AFF2: variants seen among roughly 807,000 people sequenced by gnomAD.
The protein encoded by AFF2 is AF4/FMR2 family member 2.
A neutral mutation model predicts 76.9 loss-of-function variants in AFF2; 14 were observed. The observed-to-expected ratio is 0.18, with a 90% CI of 0.12 to 0.28. The LOEUF (loss-of-function observed/expected upper bound fraction) is 0.28. Ranked by LOEUF, AFF2 falls within the 10% of genes least tolerant of loss-of-function variation. The probability of loss-of-function intolerance (pLI) is 1.00; values close to 1 mark genes in which losing one functional copy is unlikely to be tolerated. For missense variants in AFF2, 868 were observed against 1,001.1 expected (o/e 0.87, Z 1.79); for synonymous variants, 398 against 366.7 (o/e 1.09, Z -0.98).
In AFF2 at chrX:148,503,231, A is replaced by G. The variant is rs190527483; in HGVS notation, c.47+2087A>G. 2.1e-3 allele frequency among the ~76,000 whole-genome samples: 238 copies of G among 112,163 alleles called. 1 individual carries two copies. The highest frequency in any genetic ancestry group is 7.6e-3 in the African/African-American group (235 of 30,844). The stretch of plus-strand genomic sequence containing the variant: ...ATGTGGTTGTGCTTTTGTGTTTTGT[A>G]TAGCTCCACAGAGAAAAGGAACATA... On this transcript the variant is annotated intron_variant, in intron 1 of 20. Coordinates refer to ENST00000370460, the MANE Select transcript of AFF2 (RefSeq NM_002025.4).
intron 19 of AFF2, among the ~76,000 whole-genome samples, chrX:148,986,708 T>C (rs951822583): frequency 6.2e-5 from 7 of 113,189 alleles, no homozygotes; most frequent in Non-Finnish European, 1.3e-4. Context: ...TGGAGCAAAC[T>C]GACATTGTGG....
At position 148,997,004 on chromosome X, in the gene AFF2, T is replaced by C. The variant is rs782043514; in HGVS notation, c.*5672T>C. 1.8e-5 allele frequency: 2 copies of C among 112,169 alleles called. No homozygotes were observed. The highest frequency in any genetic ancestry group is 3.8e-5 in the Non-Finnish European group (2 of 53,206). The allele number at this position is 112,169 out of a possible 1,213,427, so 9.2% of individuals were successfully genotyped here. On this transcript the variant is annotated 3_prime_UTR_variant, in exon 21 of 21. Coordinates refer to ENST00000370460, the MANE Select transcript of AFF2 (RefSeq NM_002025.4). ...TACTGTGTTTTTCTTTTATGTGACG[T>C]GGAAACTCAGTAATTCTCCCACCTT...
chrX:148,789,563 G>A (rs1557269795), intron 3 of AFF2, among the ~76,000 whole-genome samples: 1 of 111,086 alleles, frequency 9.0e-6, no homozygotes, highest in Non-Finnish European at 1.9e-5. Flanking sequence ...CACACAACTA[G>A]GTAAATTAAA....
intron 8 of AFF2, 60 bp downstream of exon 8, chrX:148,886,045 G>A (rs1295619623): frequency 1.3e-6 from 1 of 786,998 alleles, no homozygotes; most frequent in African/African-American, 2.1e-5. Flanking sequence ...AACTGGAATG[G>A]CTTTGACATG....
chrX:148,840,620 A>G (rs782730849), intron 5 of AFF2, among the ~76,000 whole-genome samples: 16 of 112,916 alleles, frequency 1.4e-4, no homozygotes, highest in Non-Finnish European at 2.6e-4. Context: ...TGCAAAAATT[A>G]CATATATGAC....
At chrX:148,649,930 G>C (rs2054186799) in intron 1 of AFF2, among the ~76,000 whole-genome samples, 2 of 111,616 alleles carry the variant, frequency 1.8e-5, no homozygotes, top group Admixed American at 1.9e-4. Context: ...CAGATAGCTA[G>C]AAAACTGACA....
chrX:148,658,169 C>T (rs797033410), intron 2 of AFF2, among the ~76,000 whole-genome samples: 1 of 111,744 alleles, frequency 8.9e-6, no homozygotes, highest in Non-Finnish European at 1.9e-5. Flanking sequence ...GTCCTCTGTG[C>T]GTAACCCTGC....
chrX:148,716,371 T>C, intron 3 of AFF2, among the ~76,000 whole-genome samples: 1 of 111,802 alleles, frequency 8.9e-6, no homozygotes, highest in Non-Finnish European at 1.9e-5. Flanking sequence ...AGAGAGAACG[T>C]TGGACCCTAC....
At chrX:148,944,930 T>C (rs1030866696) in intron 9 of AFF2, among the ~76,000 whole-genome samples, 23 of 111,975 alleles carry the variant, frequency 2.1e-4, no homozygotes, top group African/African-American at 6.5e-4. Context: ...CATCTCCGTA[T>C]TCTCAGCTGT....
At chrX:148,941,817 T>C (rs1175933908) in intron 9 of AFF2, among the ~76,000 whole-genome samples, 1 of 111,234 alleles carries the variant, frequency 9.0e-6, no homozygotes, top group Non-Finnish European at 1.9e-5. Flanking sequence ...TGTTTTTGTG[T>C]TCCATAGGCT....
At chrX:148,830,349 G>T (rs1415575467) in intron 4 of AFF2, among the ~76,000 whole-genome samples, 1 of 112,333 alleles carries the variant, frequency 8.9e-6, no homozygotes. Context: ...ACACCACACT[G>T]GGAGCAGCAG....
Position 148,991,391 on chromosome X carries a change from A to G in AFF2, c.*59A>G. 9.1e-7 allele frequency: 1 copy of G among 1,102,477 alleles called. No individual in the cohort carries two copies. Among genetic ancestry groups the G allele is most frequent in the Non-Finnish European group, 1.2e-6 (1 of 827,607 alleles). The allele number at this position is 1,102,477 out of a possible 1,213,427, so 90.9% of individuals were successfully genotyped here. A position where few individuals can be genotyped will look rare whatever the true frequency, so the allele number is the denominator to read the frequency against. On this transcript the variant is annotated 3_prime_UTR_variant, in exon 21 of 21. Coordinates refer to ENST00000370460, the MANE Select transcript of AFF2 (RefSeq NM_002025.4). The stretch of plus-strand genomic sequence containing the variant: ...TCACTCTACCTCTACCAGCGCACTG[A>G]TGGTCACTGGTGGAACTCCACTCAC...
chrX:148,878,332 C>A (rs1557278113), intron 7 of AFF2, among the ~76,000 whole-genome samples: 1 of 111,750 alleles, frequency 8.9e-6, no homozygotes, highest in African/African-American at 3.3e-5. Context: ...TCAGTTGACT[C>A]CAATTCTGAA....
chrX:148,614,631 TTCTC>T (rs1193082722), intron 1 of AFF2, among the ~76,000 whole-genome samples: 25 of 106,610 alleles, frequency 2.3e-4, no homozygotes, highest in African/African-American at 5.5e-4. Context: ...CTTTCTTTCT[TTCTC>T]TCTCTCTCTT....
chrX:148,759,716 C>G (rs2069417720), intron 3 of AFF2, among the ~76,000 whole-genome samples: 1 of 111,644 alleles, frequency 9.0e-6, no homozygotes, highest in African/African-American at 3.3e-5. Flanking sequence ...TTATGTTATC[C>G]TAGGAATAGT....
intron 3 of AFF2, among the ~76,000 whole-genome samples, chrX:148,708,041 T>G (rs1444930079): frequency 1.8e-5 from 2 of 112,080 alleles, no homozygotes; most frequent in Admixed American, 1.9e-4. Context: ...CCCCTAAATC[T>G]TTTAAATCCT....
chrX:148,616,627 G>A (rs2053805028), intron 1 of AFF2, among the ~76,000 whole-genome samples: 2 of 109,977 alleles, frequency 1.8e-5, no homozygotes, highest in South Asian at 7.8e-4. Context: ...ACAACGTGAA[G>A]GTTTGTTACA....
intron 4 of AFF2, among the ~76,000 whole-genome samples, chrX:148,818,945 G>A (rs1251741075): frequency 9.0e-6 from 1 of 111,196 alleles, no homozygotes; most frequent in Non-Finnish European, 1.9e-5. Context: ...ATATGGTTAT[G>A]AAGCAGCTAA....
chrX:148,587,559 A>C (rs1557246050), intron 1 of AFF2, among the ~76,000 whole-genome samples: 1 of 112,292 alleles, frequency 8.9e-6, no homozygotes, highest in Admixed American at 9.4e-5. Context: ...CTGCTTGAGC[A>C]TTAGAATACT....
Sources: allele counts gnomAD v4.1 joint callset (sites outside exome capture counted in the v4.1 genomes callset), GRCh38; gene constraint gnomAD v4.1.1; transcripts MANE v1.5; gene names NCBI Gene and HGNC (gene_info 2026-07-23, HGNC 2026-07-21).